Variants in PHRF1 observed in about 807,000 individuals in gnomAD.
The protein encoded by PHRF1 is PHD and ring finger domains 1, also known as PHD and RING finger domain-containing protein 1.
Under a neutral mutation model 128.9 loss-of-function variants are expected in PHRF1, and 53 were observed. The ratio of observed to expected loss-of-function variants is 0.41; its 90% CI spans 0.33 to 0.52. The LOEUF is 0.52. PHRF1 is among the 20% of genes least tolerant of loss of function. The pLI, the probability that PHRF1 is intolerant of heterozygous loss-of-function variation, is 0.21. For synonymous variants in PHRF1, 1,178 were observed against 980.6 expected (o/e 1.20, Z -3.76); for missense variants, 2,503 against 2,284.5 (o/e 1.10, Z -1.95).
At chr11:591,501 G>T in intron 5 of PHRF1, 34 bp downstream of exon 5, 3 of 1,549,488 alleles carry the variant, frequency 1.9e-6, no homozygotes, top group Admixed American at 1.9e-5. Flanking sequence ...GGCCCCAGCC[G>T]TGCTTCTATC....
At chr11:594,423 T>A (rs1855165787) in intron 6 of PHRF1, among the ~76,000 whole-genome samples, 1 of 152,208 alleles carries the variant, frequency 6.6e-6, no homozygotes, top group Non-Finnish European at 1.5e-5. Flanking sequence ...TTTTACTCAT[T>A]TACTTATTTT....
At chr11:611,391 G>A (rs959800405) in intron 17 of PHRF1, among the ~76,000 whole-genome samples, 3 of 152,168 alleles carry the variant, frequency 2.0e-5, no homozygotes, top group Admixed American at 1.3e-4. Context: ...GCCTGGTGAC[G>A]TCTCAGCCCA....
At position 608,323 on chromosome 11, in the gene PHRF1, A is replaced by T. The variant is rs1255752827; in HGVS notation, c.2867A>T (p.Glu956Val). ...GASCSTFFGS[E>V]ERTVTCVTVV... ...TCTTGCAGCACCTTCTTTGGCTCTGAGGAGCGGACGGTGACCTGTGTGACT... is the reference window on the plus strand; with the variant it reads ...TCTTGCAGCACCTTCTTTGGCTCTGTGGAGCGGACGGTGACCTGTGTGACT... Residue 956 changes from glutamate (E) to valine (V), a missense_variant, in exon 14 of 18, where the codon GAG becomes GTG. Physicochemically the swap from Glu to Val is moderately radical, Grantham distance 121. Transcript: ENST00000264555. The T allele has an allele frequency of 2.5e-6, 4 of 1,609,800 alleles. No homozygotes were observed. Among genetic ancestry groups the T allele is most frequent in the Non-Finnish European group, 1.7e-6 (2 of 1,178,972 alleles).
intron 9 of PHRF1, 109 bp downstream of exon 9, chr11:598,611 C>T (rs1855443437): frequency 1.4e-6 from 2 of 1,425,736 alleles, no homozygotes; most frequent in Admixed American, 2.5e-5. Flanking sequence ...CTTCTTTCTG[C>T]AAGTTAATCT....
intron 14 of PHRF1, 93 bp from the exon 15 acceptor site, chr11:610,103 C>T (rs1409456643): frequency 4.2e-6 from 6 of 1,428,166 alleles, no homozygotes; most frequent in Non-Finnish European, 5.6e-6. Context: ...GGTCCTTGCT[C>T]CTGGTGCTTT....
chr11:601,621 T>C lies in PHRF1; in HGVS notation c.1072T>C (p.Ser358Pro). Reference sequence around the variant, plus strand: ...AAGAAAGAAAACCCCGTCCGGACCATCCGCAAAAAGTAAGAGCTCAGCGAC... The same window carrying C: ...AAGAAAGAAAACCCCGTCCGGACCACCCGCAAAAAGTAAGAGCTCAGCGAC... ...PGRKKTPSGPSAKSKSSATRS... is the reference protein window; with the variant it reads ...PGRKKTPSGPPAKSKSSATRS... Residue 358 changes from serine (S) to proline (P), a missense_variant, in exon 10 of 18, where the codon TCC (serine) becomes CCC (proline). By Grantham distance (74) the Ser-to-Pro change is moderately conservative. Transcript: ENST00000264555. 1 of 1,613,492 alleles carries C rather than the reference T, an allele frequency of 6.2e-7. No individual in the cohort carries two copies. Among genetic ancestry groups the C allele is most frequent in the Non-Finnish European group, 8.5e-7 (1 of 1,179,830 alleles).
chr11:601,513 CA>C, intron 9 of PHRF1, 60 bp from the exon 10 acceptor site: 1 of 1,605,552 alleles, frequency 6.2e-7, no homozygotes. Flanking sequence ...GCTGGACTCA[CA>C]GGAATGGGGC....
At chr11:583,810 C>T (rs1011748861) in intron 3 of PHRF1, among the ~76,000 whole-genome samples, 3 of 152,202 alleles carry the variant, frequency 2.0e-5, no homozygotes, top group African/African-American at 4.8e-5. Context: ...CCATCACCCT[C>T]GGTGGTGCAC....
rs540145958 is a variant in PHRF1, at chr11:607,184, C to T, written c.1728C>T (p.Asn576=). 1 of 1,612,704 alleles carries T rather than the reference C, an allele frequency of 6.2e-7. No individual in the cohort carries two copies. Among genetic ancestry groups the T allele is most frequent in the African/African-American group, 1.3e-5 (1 of 75,060 alleles). ...GCCCGGCCCAAGGCCCGTCAGGAAACAGGCCACAGAGCACAGGGCTCAGCT... is the reference window on the plus strand; with the variant it reads ...GCCCGGCCCAAGGCCCGTCAGGAAATAGGCCACAGAGCACAGGGCTCAGCT... ...SGSPAQGPSG[N]RPQSTGLSCQ... The change falls in exon 14 of 18, where the codon AAC becomes AAT. Residue 576 remains asparagine (N), a synonymous_variant. Coordinates refer to ENST00000264555, the MANE Select transcript of PHRF1 (RefSeq NM_001286581.2).
In PHRF1 at chr11:606,702, TGGG is replaced by T. The variant is rs566420643; in HGVS notation, c.1609+110_1609+112del. 5.4e-4 allele frequency: 766 copies of T among 1,415,996 alleles called. 7 individuals are homozygous for T. The African/African-American group carries it at 9.2e-3, about 17-fold the overall frequency. 87.7% of individuals were successfully genotyped at this position (1,415,996 alleles called of 1,614,324 possible). On this transcript the variant is annotated intron_variant, in intron 13 of 17. Transcript: ENST00000264555. ...CAGTCACGGAAGATGTAGCTGAAGT[TGGG>T]GGGACCATTCCTCAGCCATTTTTCT...
chr11:577,152 C>G (rs906592437), intron 1 of PHRF1, among the ~76,000 whole-genome samples: 2 of 152,200 alleles, frequency 1.3e-5, no homozygotes, highest in Non-Finnish European at 2.9e-5. Context: ...TTTTCCTATT[C>G]CTTAACTCTT....
Position 606,568 on chromosome 11 carries a change from C to T in PHRF1, c.1581C>T (p.Arg527=), listed in dbSNP as rs1323173408. The T allele has an allele frequency of 1.1e-5, 17 of 1,607,954 alleles. No homozygotes were observed. The Middle Eastern group carries it at 6.6e-4, about 62-fold the overall frequency. The change falls in exon 13 of 18, where the codon CGC becomes CGT. Residue 527 remains arginine, a synonymous_variant. Coordinates refer to ENST00000264555, the MANE Select transcript of PHRF1 (RefSeq NM_001286581.2). The stretch of plus-strand genomic sequence containing the variant: ...GCAGCAGTGATGTCATCATCCACCG[C>T]GACGGCTCCCTCAGCGCCAAGAGGG... ...MLGSSDVIIH[R]DGSLSAKRAA...
rs977568946 is a variant in PHRF1 at position 577,214 on chromosome 11, G to A, written c.-22+622G>A. 2.6e-5 allele frequency among the ~76,000 whole-genome samples: 4 copies of A among 152,236 alleles called. No homozygotes were observed. The East Asian group carries it at 5.8e-4, about 22-fold the overall frequency. On this transcript the variant is annotated intron_variant, in intron 1 of 17. Transcript: ENST00000264555. ...GTAGGTATTGTTCCCGTTTTACAGAGGAGGGGATTGGAGCCCAGAAAGGCT... is the reference window on the plus strand; with the variant it reads ...GTAGGTATTGTTCCCGTTTTACAGAAGAGGGGATTGGAGCCCAGAAAGGCT...
intron 4 of PHRF1, among the ~76,000 whole-genome samples, chr11:588,436 A>G (rs900670406): frequency 4.6e-5 from 7 of 151,466 alleles, no homozygotes; most frequent in East Asian, 1.9e-4. Flanking sequence ...CTGGAGTGCA[A>G]TGGCGCGATC....
chr11:605,087 C>G (rs548992248), intron 10 of PHRF1, 32 bp from the exon 11 acceptor site: 5 of 1,585,174 alleles, frequency 3.2e-6, no homozygotes, highest in South Asian at 1.1e-5. Flanking sequence ...CCCCGTCTCT[C>G]TGTTCATCTT....
At position 607,594 on chromosome 11, in the gene PHRF1, G is replaced by A. The variant is rs758747415; in HGVS notation, c.2138G>A (p.Arg713Gln). ...SIEIPSACIS[R>Q]LTGREGTGQP... Reference sequence around the variant, plus strand: ...GAGATCCCCAGTGCCTGCATCAGCCGACTGACTGGCAGGGAGGGCACCGGG... The same window carrying A: ...GAGATCCCCAGTGCCTGCATCAGCCAACTGACTGGCAGGGAGGGCACCGGG... Residue 713 changes from arginine (R) to glutamine (Q), a missense_variant, in exon 14 of 18, where the codon CGA (arginine) becomes CAA (glutamine). By Grantham distance (43) the Arg-to-Gln change is conservative. Transcript: ENST00000264555. The A allele has an allele frequency of 1.4e-5, 22 of 1,612,354 alleles. No individual in the cohort carries two copies. Among genetic ancestry groups the A allele is most frequent in the Middle Eastern group, 1.7e-4 (1 of 6,058 alleles).
intron 1 of PHRF1, among the ~76,000 whole-genome samples, chr11:577,051 A>G (rs1344506028): frequency 6.6e-6 from 1 of 152,124 alleles, no homozygotes; most frequent in Admixed American, 6.5e-5. Flanking sequence ...GAGAGCTGTG[A>G]CTTCGTTGCC....
At position 607,772 on chromosome 11, in the gene PHRF1, G is replaced by C. The variant is rs771727973; in HGVS notation, c.2316G>C (p.Ser772=). 2.5e-6 allele frequency: 4 copies of C among 1,612,552 alleles called. No individual in the cohort carries two copies. The highest frequency in any genetic ancestry group is 4.5e-5 in the East Asian group (2 of 44,876). The change falls in exon 14 of 18, where the codon TCG becomes TCC. Residue 772 remains serine, a synonymous_variant. Coordinates refer to ENST00000264555, the MANE Select transcript of PHRF1 (RefSeq NM_001286581.2). ...LGPSRGKGVG[S]TFESFRINIP... ...CATCAAGAGGGAAAGGGGTCGGGTC[G>C]ACCTTTGAGAGCTTCCGGATCAATA...
rs779504014 is a variant in PHRF1, at chr11:598,470, C to T, written c.992C>T (p.Pro331Leu). ...STAVYQRPLT[P>L]RTPARRKRKT... ...GCCGTGTATCAGCGCCCCCTGACGC[C>T]GCGCACTCCCGCCCGACGGAAGAGG... Residue 331 changes from proline to leucine, a missense_variant, in exon 9 of 18, where the codon CCG becomes CTG. Transcript: ENST00000264555. 1.2e-5 allele frequency: 19 copies of T among 1,610,038 alleles called. No homozygotes were observed. The South Asian group carries it at 1.3e-4, about 11-fold the overall frequency.
Sources: allele counts gnomAD v4.1 joint callset (sites outside exome capture counted in the v4.1 genomes callset), GRCh38; gene constraint gnomAD v4.1.1; transcripts MANE v1.5; gene names NCBI Gene and HGNC (gene_info 2026-07-23, HGNC 2026-07-21).